The following COA7 variants were observed in gnomAD, a reference collection of about 807,000 sequenced individuals.
COA7 encodes the protein cytochrome c oxidase assembly factor 7.
Under a neutral mutation model 21.0 loss-of-function variants are expected in COA7, and 12 were observed. The ratio of observed to expected loss-of-function variants is 0.57; its 90% CI spans 0.37 to 0.92. The LOEUF (loss-of-function observed/expected upper bound fraction) is 0.92, where lower values mean the gene tolerates loss of function less well. Ranked by LOEUF, COA7 falls within the 40% of genes least tolerant of loss-of-function variation. The probability of loss-of-function intolerance (pLI) is 0.01; values close to 1 mark genes in which losing one functional copy is unlikely to be tolerated. For missense variants in COA7, 240 were observed against 286.1 expected, an observed-to-expected ratio of 0.84 and a Z score of 1.16; for synonymous variants, 95 against 107.4, an observed-to-expected ratio of 0.88 and a Z score of 0.72.
At chr1:52,697,506 T>C (rs1644092242) in intron 1 of COA7, among the ~76,000 whole-genome samples, 2 of 152,346 alleles carry the variant, frequency 1.3e-5, no homozygotes, top group South Asian at 4.1e-4. Context: ...TCACTCAATT[T>C]AAAACTGCCC....
At chr1:52,698,063 C>T (rs1644097475) in intron 1 of COA7, 158 bp downstream of exon 1, 2 of 631,534 alleles carry the variant, frequency 3.2e-6, no homozygotes, top group Non-Finnish European at 5.6e-6. Context: ...CTTCCCGGGA[C>T]ACATCGCCCT....
intron 2 of COA7, 150 bp downstream of exon 2, chr1:52,692,577 A>G (rs1644055310): frequency 3.5e-6 from 3 of 851,860 alleles, no homozygotes; most frequent in East Asian, 2.6e-5. Context: ...TCTTCCCCCC[A>G]TCACTCTGCT....
chr1:52,690,349 T>C (rs1424377979), intron 2 of COA7, among the ~76,000 whole-genome samples: 3 of 152,002 alleles, frequency 2.0e-5, no homozygotes, highest in Non-Finnish European at 4.4e-5. Context: ...GAAATAACCA[T>C]CATTATCATT....
At position 52,687,908 on chromosome 1, in the gene COA7, G is replaced by C; in HGVS notation, c.508C>G (p.Leu170Val). ...GAPGFPKDMD[L>V]ACKYSMKACD... Reference sequence around the variant, plus strand: ...GCTTTCATGGAGTATTTACATGCCAGGTCCATGTCCTTGGGAAAGCCTGGG... The same window carrying C: ...GCTTTCATGGAGTATTTACATGCCACGTCCATGTCCTTGGGAAAGCCTGGG... The change falls in exon 3 of 3, where the codon CTG (leucine) becomes GTG (valine). Residue 170 changes from leucine to valine, a missense_variant. Coordinates refer to ENST00000371538, the MANE Select transcript of COA7 (RefSeq NM_023077.3). 6.2e-7 allele frequency: 1 copy of C among 1,614,192 alleles called. No homozygotes were observed. The highest frequency in any genetic ancestry group is 8.5e-7 in the Non-Finnish European group (1 of 1,180,032).
chr1:52,684,754 A>G lies in COA7; in HGVS notation c.*2966T>C, dbSNP rs1433743873. 1 of 152,148 alleles carries G rather than the reference A, an allele frequency of 6.6e-6. No homozygotes were observed. Among genetic ancestry groups the G allele is most frequent in the Non-Finnish European group, 1.5e-5 (1 of 68,026 alleles). The allele number at this position is 152,148 out of a possible 1,614,324, so 9.4% of individuals were successfully genotyped here. ...TCATACAGAGTAGTTTCGCTGCCCTAAAAATCTTCTGTGCTCCAATTATTC... is the reference window on the plus strand; with the variant it reads ...TCATACAGAGTAGTTTCGCTGCCCTGAAAATCTTCTGTGCTCCAATTATTC... On this transcript the variant is annotated 3_prime_UTR_variant, in exon 3 of 3. Coordinates refer to ENST00000371538, the MANE Select transcript of COA7 (RefSeq NM_023077.3).
chr1:52,693,282 A>G (rs1644060716), intron 1 of COA7, among the ~76,000 whole-genome samples: 1 of 152,158 alleles, frequency 6.6e-6, no homozygotes, highest in East Asian at 1.9e-4. Flanking sequence ...TGTAGCAGCA[A>G]GAAAAGGGTG....
chr1:52,698,188 G>A (rs138892493), intron 1 of COA7, 33 bp downstream of exon 1: 2 of 1,498,998 alleles, frequency 1.3e-6, no homozygotes, highest in Non-Finnish European at 1.8e-6. Context: ...GTCCCTCCCC[G>A]ACGCGTCGCC....
chr1:52,694,400 C>T (rs1017580570), intron 1 of COA7, among the ~76,000 whole-genome samples: 13 of 138,892 alleles, frequency 9.4e-5, no homozygotes, highest in African/African-American at 3.1e-4. Flanking sequence ...GCGGAGACTG[C>T]GGTGAGCCGA....
At chr1:52,697,635 C>T (rs1644093448) in intron 1 of COA7, among the ~76,000 whole-genome samples, 1 of 152,166 alleles carries the variant, frequency 6.6e-6, no homozygotes, top group Non-Finnish European at 1.5e-5. Flanking sequence ...TGCAGTGGCG[C>T]GATCTCTGCT....
rs768919030 is a variant in COA7 at position 52,692,854 on chromosome 1, C to T, written c.120G>A (p.Leu40=). ...TCCGGATCCCTTCCAAATAGTCCAC[C>T]AGCCGATAGCAACCTGCGAGAAGAG... The part of the protein sequence containing the change: ...HEKDPDGCYR[L]VDYLEGIRKN... Residue 40 remains leucine, a synonymous_variant, in exon 2 of 3, where the codon CTG becomes CTA. Coordinates refer to ENST00000371538, the MANE Select transcript of COA7 (RefSeq NM_023077.3). 14 of 1,614,052 alleles carry T rather than the reference C, an allele frequency of 8.7e-6. No individual in the cohort carries two copies. The East Asian group carries it at 2.0e-4, about 23-fold the overall frequency.
chr1:52,688,176 G>A lies in COA7; in HGVS notation c.248-8C>T. ...GGTCCTGGGTCAGACCACCTGAGAGGAAGGAAAGTAGGAAAAAATAAACCC... is the reference window on the plus strand; with the variant it reads ...GGTCCTGGGTCAGACCACCTGAGAGAAAGGAAAGTAGGAAAAAATAAACCC... On this transcript the variant is annotated splice_polypyrimidine_tract_variant and splice_region_variant and intron_variant, in intron 2 of 2. Transcript: ENST00000371538. 2 of 1,601,948 alleles carry A rather than the reference G, an allele frequency of 1.2e-6. No homozygotes were observed. Among genetic ancestry groups the A allele is most frequent in the Non-Finnish European group, 1.7e-6 (2 of 1,176,750 alleles).
rs147005225 is a variant in COA7, at chr1:52,693,547, G to A, written c.107-680C>T. On this transcript the variant is annotated intron_variant, in intron 1 of 2. Transcript: ENST00000371538. ...CTTGAACCCAGGGGGCGGAGGTTGCGGCGGGCCGAGATCACGCCACTGCAC... is the reference window on the plus strand; with the variant it reads ...CTTGAACCCAGGGGGCGGAGGTTGCAGCGGGCCGAGATCACGCCACTGCAC... Among the ~76,000 whole-genome samples, 650 of 151,276 alleles carry A rather than the reference G, an allele frequency of 4.3e-3. 12 individuals carry two copies. The East Asian group carries it at 0.05, about 12-fold the overall frequency.
chr1:52,689,407 G>A (rs1333129358), intron 2 of COA7, among the ~76,000 whole-genome samples: 1 of 151,612 alleles, frequency 6.6e-6, no homozygotes, highest in Non-Finnish European at 1.5e-5. Flanking sequence ...GCCCGCCTCA[G>A]CCTCCCAAAA....
rs1644005797 is a variant in COA7, at chr1:52,686,554, TCTC to T, written c.*1163_*1165del. Reference sequence around the variant, plus strand: ...GCTCCGCCTCCCGGGTTCAAGCAATTCTCCTGCCTCAGCCTCCCCAGTAGCTGG... The same window carrying T: ...GCTCCGCCTCCCGGGTTCAAGCAATTCTGCCTCAGCCTCCCCAGTAGCTGG... On this transcript the variant is annotated 3_prime_UTR_variant, in exon 3 of 3. Transcript: ENST00000371538. The T allele has an allele frequency of 6.6e-6, 1 of 151,700 alleles. No individual in the cohort carries two copies. Among genetic ancestry groups the T allele is most frequent in the African/African-American group, 2.4e-5 (1 of 41,212 alleles). The allele number at this position is 151,700 out of a possible 1,614,324, so 9.4% of individuals were successfully genotyped here.
At chr1:52,698,049 C>G (rs535156892) in intron 1 of COA7, 172 bp downstream of exon 1, 6 of 587,722 alleles carry the variant, frequency 1.0e-5, no homozygotes, top group African/African-American at 1.9e-5. Flanking sequence ...CCTCCTGGCT[C>G]GGTCTTCCCG....
rs141260822 is a variant in COA7, at chr1:52,687,794, C to T, written c.622G>A (p.Glu208Lys). Residue 208 changes from glutamate to lysine, a missense_variant, in exon 3 of 3, where the codon GAG (glutamate) becomes AAG (lysine). Transcript: ENST00000371538. Reference protein sequence around the residue: ...DGVDKDEAKAEVLKNRAQQLH... With the variant: ...DGVDKDEAKAKVLKNRAQQLH... ...TGCTGGGCTCGATTTTTTAGCACCTCGGCCTTGGCCTCATCCTTATCAACA... is the reference window on the plus strand; with the variant it reads ...TGCTGGGCTCGATTTTTTAGCACCTTGGCCTTGGCCTCATCCTTATCAACA... 3.1e-6 allele frequency: 5 copies of T among 1,614,140 alleles called. No individual in the cohort carries two copies. The highest frequency in any genetic ancestry group is 1.6e-4 in the Middle Eastern group (1 of 6,084).
At chr1:52,690,923 A>G (rs1292284643) in intron 2 of COA7, among the ~76,000 whole-genome samples, 1 of 152,076 alleles carries the variant, frequency 6.6e-6, no homozygotes, top group African/African-American at 2.4e-5. Context: ...CCTGGCTAAC[A>G]TGGCGAAACC....
intron 2 of COA7, among the ~76,000 whole-genome samples, chr1:52,688,483 A>G (rs1208129173): frequency 6.6e-6 from 1 of 152,120 alleles, no homozygotes; most frequent in Non-Finnish European, 1.5e-5. Context: ...CTGGGACTCA[A>G]GCGATCCTCC....
chr1:52,695,166 C>T (rs1443005784), intron 1 of COA7, among the ~76,000 whole-genome samples: 7 of 151,962 alleles, frequency 4.6e-5, no homozygotes, highest in East Asian at 3.9e-4. Flanking sequence ...TGGTGGCGCA[C>T]GCTTGTAATT....
Sources: allele counts gnomAD v4.1 joint callset (sites outside exome capture counted in the v4.1 genomes callset), GRCh38; gene constraint gnomAD v4.1.1; transcripts MANE v1.5; gene names NCBI Gene and HGNC (gene_info 2026-07-23, HGNC 2026-07-21).